Variants in PGM2 observed in about 807,000 individuals in gnomAD.
PGM2 encodes the protein phosphopentomutase.
Under a neutral mutation model 74.6 loss-of-function variants are expected in PGM2, and 57 were observed. The ratio of observed to expected loss-of-function variants is 0.76; its 90% CI spans 0.62 to 0.95. The LOEUF (loss-of-function observed/expected upper bound fraction) is 0.95, where lower values mean the gene tolerates loss of function less well. Ranked by LOEUF, PGM2 falls within the 40% of genes least tolerant of loss-of-function variation. The probability of loss-of-function intolerance (pLI) is 0.00; values close to 1 mark genes in which losing one functional copy is unlikely to be tolerated. For missense variants in PGM2, 706 were observed against 741.9 expected (o/e 0.95, Z 0.56); for synonymous variants, 273 against 260.7 (o/e 1.05, Z -0.46).
chr4:37,844,390 A>G lies in PGM2; in HGVS notation c.746A>G (p.Lys249Arg). 6.2e-7 allele frequency: 1 copy of G among 1,610,784 alleles called. No homozygotes were observed. Among genetic ancestry groups the G allele is most frequent in the Non-Finnish European group, 8.5e-7 (1 of 1,178,588 alleles). The change falls in exon 7 of 14, where the codon AAG (lysine) becomes AGG (arginine). Residue 249 changes from lysine to arginine, a missense_variant. Lys to Arg is a conservative substitution (Grantham distance 26, BLOSUM62 2). Transcript: ENST00000381967. The part of the protein sequence containing the change: ...HRSVNRETKV[K>R]FVHTSVHGVG... ...AGCGTGAACAGGGAGACAAAGGTGA[A>G]GTTTGTGCACACCTCTGTCCATGGG...
intron 12 of PGM2, among the ~76,000 whole-genome samples, chr4:37,853,314 G>A (rs1319530308): frequency 7.0e-6 from 1 of 142,950 alleles, no homozygotes; most frequent in Admixed American, 7.0e-5. Context: ...AGGTTTTTTA[G>A]TTTAGTAGAG....
chr4:37,856,044 T>C (rs1359972357), intron 13 of PGM2, among the ~76,000 whole-genome samples: 2 of 152,084 alleles, frequency 1.3e-5, no homozygotes, highest in Admixed American at 1.3e-4. Flanking sequence ...ACCAATGAGA[T>C]TTTCTCTTTT....
At chr4:37,847,180 C>G (rs756152375) in intron 9 of PGM2, 22 bp from the exon 10 acceptor site, 13 of 1,606,244 alleles carry the variant, frequency 8.1e-6, no homozygotes, top group Non-Finnish European at 1.0e-5. Context: ...GCATGTCTTT[C>G]TCTTTTGGAT....
rs1036607954 is a variant in PGM2 at position 37,861,450 on chromosome 4, A to G, written c.1737-60A>G. ...TTGTCACTTGGTCAATGGGGGGAGCATTTAAACTGTGCTTTGGAATAATCC... is the reference window on the plus strand; with the variant it reads ...TTGTCACTTGGTCAATGGGGGGAGCGTTTAAACTGTGCTTTGGAATAATCC... On this transcript the variant is annotated intron_variant, in intron 13 of 13. Transcript: ENST00000381967. 64 of 1,127,436 alleles carry G rather than the reference A, an allele frequency of 5.7e-5. No homozygotes were observed. The Admixed American group carries it at 1.1e-3, about 19-fold the overall frequency. The allele number at this position is 1,127,436 out of a possible 1,614,324, so 69.8% of individuals were successfully genotyped here. A position where few individuals can be genotyped will look rare whatever the true frequency, so the allele number is the denominator to read the frequency against.
chr4:37,850,418 C>G (rs752821027), intron 12 of PGM2, 45 bp downstream of exon 12: 3 of 1,083,798 alleles, frequency 2.8e-6, no homozygotes, highest in Non-Finnish European at 3.8e-6. Flanking sequence ...TTCTATTTAC[C>G]TTTTAAAATA....
chr4:37,837,654 C>T (rs776473639), intron 4 of PGM2, 41 bp downstream of exon 4: 3 of 1,266,784 alleles, frequency 2.4e-6, no homozygotes, highest in Non-Finnish European at 3.5e-6. Context: ...GTCACATGAT[C>T]AGGGATGGGA....
chr4:37,844,338 A>G (rs1434428839), intron 6 of PGM2, 26 bp from the exon 7 acceptor site: 18 of 1,521,944 alleles, frequency 1.2e-5, no homozygotes, highest in Admixed American at 1.9e-5. Flanking sequence ...GCCTTGTATC[A>G]TTTTCCACTG....
chr4:37,843,932 G>GGAC (rs1725797135), intron 6 of PGM2, among the ~76,000 whole-genome samples: 1 of 152,134 alleles, frequency 6.6e-6, no homozygotes, highest in Non-Finnish European at 1.5e-5. Flanking sequence ...TTGTTAAAAA[G>GGAC]GACATTTTGA....
Position 37,841,094 on chromosome 4 carries a change from A to G in PGM2, c.719+835A>G, listed in dbSNP as rs56217421. Among the ~76,000 whole-genome samples, 838 of 115,608 alleles carry G rather than the reference A, an allele frequency of 7.2e-3. 7 individuals are homozygous for G. Among genetic ancestry groups the G allele is most frequent in the Middle Eastern group, 0.018 (4 of 226 alleles). 75.8% of individuals were successfully genotyped at this position (115,608 alleles called of 152,430 possible). A position where few individuals can be genotyped will look rare whatever the true frequency, so the allele number is the denominator to read the frequency against. ...AGCGTATATATATATATATATATAT[A>G]TATATATGTGTGTGTGTGTGTTTGT... On this transcript the variant is annotated intron_variant, in intron 6 of 13. Coordinates refer to ENST00000381967, the MANE Select transcript of PGM2 (RefSeq NM_018290.4).
chr4:37,836,644 A>G (rs898004506), intron 3 of PGM2, among the ~76,000 whole-genome samples: 1 of 152,150 alleles, frequency 6.6e-6, no homozygotes, highest in Non-Finnish European at 1.5e-5. Flanking sequence ...AGTAAGAATG[A>G]TCTGATTGTT....
At chr4:37,860,450 A>G (rs4832962) in intron 13 of PGM2, among the ~76,000 whole-genome samples, 84,545 of 152,058 alleles carry the variant, frequency 0.56, 23,973 homozygotes, top group Non-Finnish European at 0.61. Context: ...CTTTATCCCA[A>G]TTTTACAAAT....
chr4:37,856,587 G>A (rs1476361453), intron 13 of PGM2, among the ~76,000 whole-genome samples: 1 of 151,960 alleles, frequency 6.6e-6, no homozygotes, highest in African/African-American at 2.4e-5. Context: ...TGTTTGAGTT[G>A]GTCACTCTGT....
At chr4:37,846,835 G>T in intron 8 of PGM2, 96 bp from the exon 9 acceptor site, 1 of 931,986 alleles carries the variant, frequency 1.1e-6, no homozygotes, top group Non-Finnish European at 1.6e-6. Context: ...ATACTTAGAT[G>T]CTTTGTTTGC....
intron 3 of PGM2, among the ~76,000 whole-genome samples, chr4:37,835,859 A>G (rs1459198492): frequency 1.3e-5 from 2 of 152,240 alleles, no homozygotes; most frequent in African/African-American, 4.8e-5. Flanking sequence ...CTTTTTGTCA[A>G]TAAAGCAAGA....
At position 37,834,619 on chromosome 4, in the gene PGM2, G is replaced by T; in HGVS notation, c.251G>T (p.Gly84Val). ...NDLTIIQTTQ[G>V]FCRYLEKQFS... is the part of the protein sequence containing the mutation. ...TTTAAATCTATGGTGTATTTGTAGGGATTTTGCAGATACCTGGAAAAACAA... is the reference window on the plus strand; with the variant it reads ...TTTAAATCTATGGTGTATTTGTAGGTATTTTGCAGATACCTGGAAAAACAA... Residue 84 changes from glycine to valine, a missense_variant and splice_region_variant, in exon 3 of 14, where the codon GGA becomes GTA. Physicochemically the swap from Gly to Val is moderately radical, Grantham distance 109. Transcript: ENST00000381967. 6.8e-7 allele frequency: 1 copy of T among 1,478,534 alleles called. No homozygotes were observed. The highest frequency in any genetic ancestry group is 1.7e-5 in the Admixed American group (1 of 58,304). The allele number at this position is 1,478,534 out of a possible 1,614,324, so 91.6% of individuals were successfully genotyped here.
chr4:37,830,081 G>T lies in PGM2; in HGVS notation c.199G>T (p.Gly67Ter). The stretch of plus-strand genomic sequence containing the variant: ...GACAGCTGGCCTCCGAGCTGCTATG[G>T]GACCTGGAATTTCTCGTATGAATGA... The part of the protein sequence containing the change: ...FGTAGLRAAM[G>*]PGISRMNDLT... The change falls in exon 2 of 14, where the codon GGA (glycine) becomes TGA (stop). Residue 67 changes from glycine (G) to a stop codon, truncating the protein, a stop_gained. Transcript: ENST00000381967. LOFTEE classifies it high-confidence loss of function. The T allele has an allele frequency of 6.2e-7, 1 of 1,601,680 alleles. No homozygotes were observed. The highest frequency in any genetic ancestry group is 8.5e-7 in the Non-Finnish European group (1 of 1,174,360).
At chr4:37,840,313 A>G in intron 6 of PGM2, 54 bp downstream of exon 6, 1 of 1,032,060 alleles carries the variant, frequency 9.7e-7, no homozygotes, top group Non-Finnish European at 1.5e-6. Context: ...ATTCAGCCAA[A>G]TTCTATTAGT....
At position 37,862,419 on chromosome 4, in the gene PGM2, A is replaced by G. The variant is rs1711809959; in HGVS notation, c.*807A>G. On this transcript the variant is annotated 3_prime_UTR_variant, in exon 14 of 14. Transcript: ENST00000381967. The stretch of plus-strand genomic sequence containing the variant: ...TTGGAGGCAGCAAGACCTATGAGCA[A>G]GAACTATTTACTTGACCCTCGTTTT... The G allele has an allele frequency of 6.6e-6, 1 of 152,162 alleles. No homozygotes were observed. The highest frequency in any genetic ancestry group is 1.5e-5 in the Non-Finnish European group (1 of 68,018). The allele number at this position is 152,162 out of a possible 1,614,324, so 9.4% of individuals were successfully genotyped here.
intron 8 of PGM2, among the ~76,000 whole-genome samples, chr4:37,846,308 G>T (rs1181382423): frequency 6.6e-6 from 1 of 150,576 alleles, no homozygotes; most frequent in Non-Finnish European, 1.5e-5. Context: ...GGGGGCAGGA[G>T]GGTGCTGCTG....
Sources: gnomAD v4.1 joint callset for allele counts (sites outside exome capture counted in the v4.1 genomes callset) on GRCh38, gnomAD v4.1.1 for gene constraint, MANE v1.5 for transcripts, NCBI Gene and HGNC (gene_info 2026-07-23, HGNC 2026-07-21) for gene names.